Variants in GRIN2A observed in about 807,000 individuals in gnomAD.
GRIN2A encodes the protein glutamate receptor ionotropic, NMDA 2A.
GRIN2A carries 22 observed loss-of-function variants against 113.4 expected under a neutral mutation model. That is an observed-to-expected ratio of 0.19 (90% CI 0.14 to 0.28). The LOEUF is 0.28. Ranked by LOEUF, GRIN2A falls within the 10% of genes least tolerant of loss-of-function variation. GRIN2A has a pLI of 1.00. For synonymous variants in GRIN2A, 827 were observed against 738.4 expected, an observed-to-expected ratio of 1.12 and a Z score of -1.94; for missense variants, 1,502 against 1,887.0, an observed-to-expected ratio of 0.80 and a Z score of 3.78.
At chr16:9,953,953 T>C (rs1206945683) in intron 2 of GRIN2A, among the ~76,000 whole-genome samples, 1 of 152,110 alleles carries the variant, frequency 6.6e-6, no homozygotes, top group Non-Finnish European at 1.5e-5. Flanking sequence ...CCCATGCTTC[T>C]TCTCAAACAC....
Position 10,126,823 on chromosome 16 carries a change from T to A in GRIN2A, c.414+53175A>T, listed in dbSNP as rs149438037. On this transcript the variant is annotated intron_variant, in intron 2 of 12. Coordinates refer to ENST00000330684, the MANE Select transcript of GRIN2A (RefSeq NM_001134407.3). ...CGTCTGTGAGTCACCTGCTCACATG[T>A]CCAAGATGTCTCAGAAATCCTTCTG... Among the ~76,000 whole-genome samples, 476 of 152,334 alleles carry A rather than the reference T, an allele frequency of 3.1e-3. 1 individual carries two copies. Among genetic ancestry groups the A allele is most frequent in the African/African-American group, 0.011 (447 of 41,570 alleles).
At chr16:9,931,326 CAAT>C (rs2044589994) in intron 3 of GRIN2A, among the ~76,000 whole-genome samples, 1 of 152,034 alleles carries the variant, frequency 6.6e-6, no homozygotes, top group Non-Finnish European at 1.5e-5. Flanking sequence ...ATGATGACCA[CAAT>C]AATAAGAAAA....
chr16:10,056,162 G>A (rs758172824), intron 2 of GRIN2A, among the ~76,000 whole-genome samples: 2 of 152,164 alleles, frequency 1.3e-5, no homozygotes, highest in African/African-American at 4.8e-5. Flanking sequence ...ACTAATAACA[G>A]AGAAGATAAA....
intron 2 of GRIN2A, among the ~76,000 whole-genome samples, chr16:9,944,159 G>A (rs904654109): frequency 6.6e-6 from 1 of 152,204 alleles, no homozygotes; most frequent in Non-Finnish European, 1.5e-5. Context: ...CAACGATCCA[G>A]AGAGACTCCT....
intron 2 of GRIN2A, among the ~76,000 whole-genome samples, chr16:10,057,814 C>T (rs905956323): frequency 2.0e-5 from 3 of 152,146 alleles, no homozygotes; most frequent in Non-Finnish European, 4.4e-5. Context: ...GGAGGGATAC[C>T]TATTTTTAGC....
intron 2 of GRIN2A, among the ~76,000 whole-genome samples, chr16:9,983,973 A>G (rs1052508219): frequency 2.0e-5 from 3 of 152,058 alleles, no homozygotes; most frequent in African/African-American, 7.3e-5. Context: ...GTATGAGGAA[A>G]CTCCATACCG....
At chr16:9,800,923 G>A (rs966118336) in intron 10 of GRIN2A, among the ~76,000 whole-genome samples, 1 of 152,182 alleles carries the variant, frequency 6.6e-6, no homozygotes, top group Admixed American at 6.5e-5. Context: ...AGTAACTTGT[G>A]TATAATGGGA....
At chr16:10,143,693 G>C (rs1027590625) in intron 2 of GRIN2A, among the ~76,000 whole-genome samples, 1 of 152,128 alleles carries the variant, frequency 6.6e-6, no homozygotes, top group African/African-American at 2.4e-5. Flanking sequence ...GGCAGGGTGC[G>C]ATGGCTCATG....
chr16:9,833,841 T>G (rs1245523697), intron 8 of GRIN2A, among the ~76,000 whole-genome samples: 1 of 152,168 alleles, frequency 6.6e-6, no homozygotes, highest in African/African-American at 2.4e-5. Context: ...TGCCTCTGCC[T>G]CATGAGTAGC....
At chr16:10,169,294 A>C (rs908897780) in intron 2 of GRIN2A, among the ~76,000 whole-genome samples, 2 of 152,188 alleles carry the variant, frequency 1.3e-5, no homozygotes, top group African/African-American at 4.8e-5. Context: ...GCTACATATA[A>C]TGGTGTTAGT....
At chr16:10,133,698 A>C (rs1008298868) in intron 2 of GRIN2A, among the ~76,000 whole-genome samples, 1 of 152,214 alleles carries the variant, frequency 6.6e-6, no homozygotes, top group Non-Finnish European at 1.5e-5. Context: ...AGTACTTATA[A>C]GAATCTGAGC....
At chr16:10,160,149 C>T (rs765247511) in intron 2 of GRIN2A, among the ~76,000 whole-genome samples, 1 of 152,234 alleles carries the variant, frequency 6.6e-6, no homozygotes, top group African/African-American at 2.4e-5. Context: ...TAATTTATTA[C>T]AGCAGCTGTA....
At chr16:9,998,436 T>G (rs957823734) in intron 2 of GRIN2A, among the ~76,000 whole-genome samples, 1 of 152,204 alleles carries the variant, frequency 6.6e-6, no homozygotes, top group Non-Finnish European at 1.5e-5. Context: ...GAATTTTCAT[T>G]TGGAGTCATG....
chr16:10,069,801 C>G (rs1443518915), intron 2 of GRIN2A, among the ~76,000 whole-genome samples: 1 of 152,228 alleles, frequency 6.6e-6, no homozygotes, highest in Admixed American at 6.5e-5. Context: ...CATACAGGGT[C>G]CAGCAAGCTG....
chr16:9,948,968 C>T (rs1030080499), intron 2 of GRIN2A, among the ~76,000 whole-genome samples: 1 of 152,150 alleles, frequency 6.6e-6, no homozygotes, highest in African/African-American at 2.4e-5. Flanking sequence ...TGGCAGTTTT[C>T]TAATTACCTG....
At chr16:9,986,089 C>G (rs748686536) in intron 2 of GRIN2A, among the ~76,000 whole-genome samples, 9 of 151,950 alleles carry the variant, frequency 5.9e-5, no homozygotes, top group Non-Finnish European at 1.3e-4. Flanking sequence ...GATCACACAA[C>G]TTTAAAGGAA....
intron 2 of GRIN2A, among the ~76,000 whole-genome samples, chr16:10,102,431 C>T (rs777211901): frequency 2.8e-4 from 42 of 152,234 alleles, no homozygotes; most frequent in Non-Finnish European, 5.0e-4. Flanking sequence ...AGAAGCCAAG[C>T]TGAAGCCAGC....
At chr16:9,795,652 G>A (rs529438640) in intron 11 of GRIN2A, among the ~76,000 whole-genome samples, 1 of 152,020 alleles carries the variant, frequency 6.6e-6, no homozygotes, top group Non-Finnish European at 1.5e-5. Context: ...TATGTTACAG[G>A]GTCTATGCTA....
intron 10 of GRIN2A, among the ~76,000 whole-genome samples, chr16:9,811,422 TGAG>T (rs1391085722): frequency 2.6e-5 from 4 of 152,094 alleles, no homozygotes; most frequent in Non-Finnish European, 5.9e-5. Context: ...CAGGAGGAAA[TGAG>T]GTCACATGTT....
Sources: gnomAD v4.1 joint callset for allele counts (sites outside exome capture counted in the v4.1 genomes callset) on GRCh38, gnomAD v4.1.1 for gene constraint, MANE v1.5 for transcripts, NCBI Gene and HGNC (gene_info 2026-07-23, HGNC 2026-07-21) for gene names.